Variants in ADRA1B observed in about 807,000 individuals in gnomAD.
ADRA1B encodes the protein alpha-1B adrenergic receptor.
In ADRA1B, 17 loss-of-function variants were observed where a neutral mutation model predicts 17.9. The observed-to-expected ratio is 0.95, with a 90% CI of 0.65 to 1.42. The LOEUF is 1.42. Among genes scored for constraint, ADRA1B ranks in the 40% most tolerant of loss-of-function variants. The pLI is 0.00. For synonymous variants in ADRA1B, 366 were observed against 327.6 expected, an observed-to-expected ratio of 1.12 and a Z score of -1.27; for missense variants, 681 against 722.1, an observed-to-expected ratio of 0.94 and a Z score of 0.65.
At position 159,916,994 on chromosome 5, in the gene ADRA1B, A is replaced by G. The variant is rs745822355; in HGVS notation, c.89A>G (p.Gln30Arg). Residue 30 changes from glutamine (Q) to arginine (R), a missense_variant, in exon 1 of 2, where the codon CAG becomes CGG. By Grantham distance (43) the Gln-to-Arg change is conservative. Transcript: ENST00000306675. The stretch of plus-strand genomic sequence containing the variant: ...AATGCCAACTTCACTGGCCCCAACC[A>G]GACCTCGAGCAACTCCACACTGCCC... The part of the protein sequence containing the change: ...LKNANFTGPN[Q>R]TSSNSTLPQL... 1.2e-6 allele frequency: 2 copies of G among 1,614,128 alleles called. No individual in the cohort carries two copies. Among genetic ancestry groups the G allele is most frequent in the Non-Finnish European group, 1.7e-6 (2 of 1,179,998 alleles).
chr5:159,951,991 G>T (rs1000854282), intron 1 of ADRA1B, among the ~76,000 whole-genome samples: 1 of 152,152 alleles, frequency 6.6e-6, no homozygotes, highest in Non-Finnish European at 1.5e-5. Context: ...GATGGCAAAA[G>T]GATGACTTTT....
chr5:159,970,062 G>T (rs915167501), intron 1 of ADRA1B, among the ~76,000 whole-genome samples: 4 of 152,126 alleles, frequency 2.6e-5, no homozygotes, highest in Non-Finnish European at 4.4e-5. Context: ...ATTTAAAATG[G>T]AAATTGTTTT....
chr5:159,878,675 A>G (rs1406631542), intron 1 of ADRA1B, among the ~76,000 whole-genome samples: 1 of 152,116 alleles, frequency 6.6e-6, no homozygotes, highest in Non-Finnish European at 1.5e-5. Context: ...GCTTGGAGAG[A>G]TTAGGTGACC....
At chr5:159,942,841 A>T (rs1210236863) in intron 1 of ADRA1B, among the ~76,000 whole-genome samples, 1 of 152,238 alleles carries the variant, frequency 6.6e-6, no homozygotes, top group Non-Finnish European at 1.5e-5. Flanking sequence ...AGGGATACGA[A>T]ATTAGGGATG....
At chr5:159,883,369 AC>A (rs774313922) in intron 1 of ADRA1B, among the ~76,000 whole-genome samples, 1 of 152,194 alleles carries the variant, frequency 6.6e-6, no homozygotes, top group Non-Finnish European at 1.5e-5. Context: ...TGGGATTGAA[AC>A]AGAGGGCAAG....
rs1206944978 is a variant in ADRA1B, at chr5:159,962,935, CT to C, written c.950-8927del. Among the ~76,000 whole-genome samples the C allele has an allele frequency of 7.0e-3, 294 of 41,798 alleles. 1 individual carries two copies. The highest frequency in any genetic ancestry group is 0.012 in the East Asian group (19 of 1,602). The allele number at this position is 41,798 out of a possible 152,430, so 27.4% of individuals were successfully genotyped here. A position where few individuals can be genotyped will look rare whatever the true frequency, so the allele number is the denominator to read the frequency against. ...TCTTTCTTTCTTTTTCTTTTCTTTT[CT>C]TTTTTTTTTTTTTTTTGAAACAACG... On this transcript the variant is annotated intron_variant, in intron 1 of 1. Transcript: ENST00000306675.
At chr5:159,957,929 C>CAAAAAAAAAAAAAAAAAAAA (rs35956137) in intron 1 of ADRA1B, among the ~76,000 whole-genome samples, 18 of 66,848 alleles carry the variant, frequency 2.7e-4, no homozygotes, top group East Asian at 7.3e-4. Context: ...AACCCCATCT[C>CAAAAAAAAAAAAAAAAAAAA]AAAAAAAAAA....
At chr5:159,954,641 G>C (rs1210309343) in intron 1 of ADRA1B, among the ~76,000 whole-genome samples, 2 of 152,184 alleles carry the variant, frequency 1.3e-5, no homozygotes, top group Non-Finnish European at 2.9e-5. Context: ...AAGGAAGGTA[G>C]TGTCCCTGCC....
At chr5:159,875,919 T>C (rs929720718) in intron 1 of ADRA1B, among the ~76,000 whole-genome samples, 1 of 152,190 alleles carries the variant, frequency 6.6e-6, no homozygotes, top group Admixed American at 6.5e-5. Context: ...CCGGGCATGG[T>C]GGCTCACGCC....
the ADRA1B span, among the ~76,000 whole-genome samples, chr5:159,988,076 A>T: frequency 0.093 from 14,171 of 152,208 alleles, 1,148 homozygotes; most frequent in African/African-American, 0.22. Context: ...GGTGGGCCTG[A>T]TATCACAAGG....
At chr5:159,922,403 C>A (rs148724857) in intron 1 of ADRA1B, among the ~76,000 whole-genome samples, 286 of 152,308 alleles carry the variant, frequency 1.9e-3, no homozygotes, top group Non-Finnish European at 3.0e-3. Context: ...CCTGTTCCAG[C>A]ACACCAAGGA....
chr5:159,986,832 C>T, the ADRA1B span, among the ~76,000 whole-genome samples: 2 of 152,162 alleles, frequency 1.3e-5, no homozygotes, highest in Admixed American at 1.3e-4. Flanking sequence ...ATCCAGCTTA[C>T]ATTGCCGGGT....
At chr5:159,921,956 A>G (rs546486472) in intron 1 of ADRA1B, among the ~76,000 whole-genome samples, 1 of 152,364 alleles carries the variant, frequency 6.6e-6, no homozygotes, top group African/African-American at 2.4e-5. Context: ...AATTGGTTTG[A>G]GTACTTGGCA....
rs557741854 is a variant in ADRA1B at position 159,926,272 on chromosome 5, T to G, written c.949+8418T>G. On this transcript the variant is annotated intron_variant, in intron 1 of 1. Coordinates refer to ENST00000306675, the MANE Select transcript of ADRA1B (RefSeq NM_000679.4). ...AAACATGCGGTTCTGCTGACACCTTTCTCGCGAAGTCTTCCTGGATCCCAC... is the reference window on the plus strand; with the variant it reads ...AAACATGCGGTTCTGCTGACACCTTGCTCGCGAAGTCTTCCTGGATCCCAC... Among the ~76,000 whole-genome samples, 7 of 152,294 alleles carry G rather than the reference T, an allele frequency of 4.6e-5. No homozygotes were observed. In the South Asian group the frequency reaches 1.5e-3, roughly 32 times the overall value.
intron 1 of ADRA1B, among the ~76,000 whole-genome samples, chr5:159,967,887 C>G (rs1165662428): frequency 6.6e-6 from 1 of 152,176 alleles, no homozygotes; most frequent in African/African-American, 2.4e-5. Flanking sequence ...AAAAATCTAG[C>G]CCATCATTGT....
intron 1 of ADRA1B, among the ~76,000 whole-genome samples, chr5:159,889,439 C>T (rs1561583302): frequency 6.6e-6 from 1 of 152,142 alleles, no homozygotes; most frequent in Non-Finnish European, 1.5e-5. Flanking sequence ...GAAGCCTCTT[C>T]CTATTTGGAG....
intron 1 of ADRA1B, among the ~76,000 whole-genome samples, chr5:159,885,846 G>C (rs192954189): frequency 6.6e-6 from 1 of 152,172 alleles, no homozygotes; most frequent in Non-Finnish European, 1.5e-5. Flanking sequence ...AACTCTACAA[G>C]CATTGTTGCA....
At chr5:159,894,752 A>G (rs1754023951) in intron 1 of ADRA1B, among the ~76,000 whole-genome samples, 1 of 152,204 alleles carries the variant, frequency 6.6e-6, no homozygotes. Context: ...CTCACTATGC[A>G]GGGCCCCTCA....
At chr5:159,877,279 G>T (rs923140074) in intron 1 of ADRA1B, among the ~76,000 whole-genome samples, 1 of 152,120 alleles carries the variant, frequency 6.6e-6, no homozygotes, top group Admixed American at 6.5e-5. Context: ...ACTGAGCAAA[G>T]CTGATGACCT....
Sources: gnomAD v4.1 joint callset for allele counts (sites outside exome capture counted in the v4.1 genomes callset) on GRCh38, gnomAD v4.1.1 for gene constraint, MANE v1.5 for transcripts, NCBI Gene and HGNC (gene_info 2026-07-23, HGNC 2026-07-21) for gene names.